TJP3: variants seen among roughly 807,000 people sequenced by gnomAD.
TJP3 encodes the protein tight junction protein 3, also known as tight junction protein ZO-3.
Under a neutral mutation model 104.2 loss-of-function variants are expected in TJP3, and 85 were observed. That is an observed-to-expected ratio of 0.82 (90% CI 0.68 to 0.98). TJP3 has a LOEUF of 0.98. Ranked by LOEUF, TJP3 falls within the 50% of genes least tolerant of loss-of-function variation. The pLI, the probability that TJP3 is intolerant of heterozygous loss-of-function variation, is 0.00. For missense variants in TJP3, 1,367 were observed against 1,322.8 expected (o/e 1.03, Z -0.52); for synonymous variants, 550 against 550.6 (o/e 1.00, Z 0.02).
chr19:3,721,154 C>T (rs1412372315), intron 1 of TJP3, among the ~76,000 whole-genome samples: 1 of 152,040 alleles, frequency 6.6e-6, no homozygotes, highest in East Asian at 1.9e-4. Context: ...CTCGCCTCGG[C>T]CTCCCAAAAT....
Position 3,739,135 on chromosome 19 carries a change from G to T in TJP3, c.1631+1G>T. 1 of 1,534,854 alleles carries T rather than the reference G, an allele frequency of 6.5e-7. No homozygotes were observed. The highest frequency in any genetic ancestry group is 8.8e-7 in the Non-Finnish European group (1 of 1,139,586). The stretch of plus-strand genomic sequence containing the variant: ...GGGGCATCATTCCCAACCAGAGCAG[G>T]TGGGGACTGTGTGCTCCTGCAGTGG... On this transcript the variant is annotated splice_donor_variant, in intron 13 of 20. Transcript: ENST00000541714. LOFTEE classifies it high-confidence loss of function.
At chr19:3,738,093 T>TTGGCTGTGTCC (rs2036761508) in intron 11 of TJP3, among the ~76,000 whole-genome samples, 3 of 151,602 alleles carry the variant, frequency 2.0e-5, no homozygotes, top group Non-Finnish European at 2.9e-5. Flanking sequence ...GCTGTGTCCA[T>TTGGCTGTGTCC]ATATTGTTGT....
rs1410930983 is a variant in TJP3, at chr19:3,712,974, G to A, written c.-10+4413G>A. ...CAAAAAAAAAAAAAAGAAAAGAAAAGAAAGTCCCCTGTTGAACACCCTGAG... is the reference window on the plus strand; with the variant it reads ...CAAAAAAAAAAAAAAGAAAAGAAAAAAAAGTCCCCTGTTGAACACCCTGAG... On this transcript the variant is annotated intron_variant, in intron 1 of 20. Transcript: ENST00000541714. 6.7e-5 allele frequency among the ~76,000 whole-genome samples: 10 copies of A among 149,858 alleles called. 1 individual carries two copies. The highest frequency in any genetic ancestry group is 1.3e-4 in the Non-Finnish European group (9 of 67,548).
intron 1 of TJP3, among the ~76,000 whole-genome samples, chr19:3,711,418 C>T (rs2036433040): frequency 6.7e-6 from 1 of 148,170 alleles, no homozygotes; most frequent in Non-Finnish European, 1.5e-5. Context: ...AGGCTGGTCT[C>T]GAACTCCTGA....
At position 3,730,900 on chromosome 19, in the gene TJP3, C is replaced by T. The variant is rs546063436; in HGVS notation, c.613+194C>T. Among the ~76,000 whole-genome samples, 20 of 152,252 alleles carry T rather than the reference C, an allele frequency of 1.3e-4. No homozygotes were observed. Among genetic ancestry groups the T allele is most frequent in the South Asian group, 6.2e-4 (3 of 4,822 alleles). On this transcript the variant is annotated intron_variant, in intron 5 of 20. Transcript: ENST00000541714. This position sits in a 1 kb window ranked among gnomAD's most constrained non-coding sequence, Gnocchi z 7.3. ...TTCACCATGTTGGCAAGGATGGTTT[C>T]GAATTCTTGACCTCAGGTGATTCAC...
At position 3,728,592 on chromosome 19, in the gene TJP3, A is replaced by C; in HGVS notation, c.49-12A>C. On this transcript the variant is annotated splice_polypyrimidine_tract_variant and intron_variant, in intron 2 of 20. Transcript: ENST00000541714. ...GAAACAGCAGCTCTTCCTTCCCCTC[A>C]TCCTCTCTCAGGACCCCCGCCGGGG... 1.2e-6 allele frequency: 2 copies of C among 1,610,298 alleles called. No homozygotes were observed. The highest frequency in any genetic ancestry group is 1.7e-6 in the Non-Finnish European group (2 of 1,178,790).
intron 11 of TJP3, among the ~76,000 whole-genome samples, chr19:3,737,194 C>T (rs2036749412): frequency 6.7e-6 from 1 of 149,394 alleles, no homozygotes. Context: ...GAACAACAAT[C>T]TTGTTGTTCA....
intron 1 of TJP3, among the ~76,000 whole-genome samples, chr19:3,719,020 C>T (rs1333246188): frequency 6.6e-6 from 1 of 151,696 alleles, no homozygotes; most frequent in Non-Finnish European, 1.5e-5. Context: ...CCCGTCTCTA[C>T]TAAAAATACA....
rs117498787 is a variant in TJP3, at chr19:3,737,724, C to G, written c.1285-831C>G. Among the ~76,000 whole-genome samples the G allele has an allele frequency of 4.1e-3, 620 of 152,298 alleles. 25 individuals carry two copies. In the East Asian group the frequency reaches 0.076, roughly 19 times the overall value. On this transcript the variant is annotated intron_variant, in intron 11 of 20. Coordinates refer to ENST00000541714, the MANE Select transcript of TJP3 (RefSeq NM_001267560.2). ...CCCCACTTTCCATGTCATAAGCCCA[C>G]TGGCTGGGTGAAAACTTGATGCCAA...
chr19:3,733,975 C>T, intron 7 of TJP3, 63 bp downstream of exon 7: 1 of 1,570,230 alleles, frequency 6.4e-7, no homozygotes, highest in Non-Finnish European at 8.6e-7. Flanking sequence ...GGTGGGAAGC[C>T]CCAGGCAGGG....
At chr19:3,728,741 C>CG (rs775563421) in intron 3 of TJP3, 28 bp downstream of exon 3, 10 of 1,607,998 alleles carry the variant, frequency 6.2e-6, no homozygotes, top group South Asian at 4.4e-5. Flanking sequence ...TGGGTTCTGG[C>CG]GGGGGAGGGC....
At chr19:3,720,024 A>C (rs1341231948) in intron 1 of TJP3, among the ~76,000 whole-genome samples, 1 of 152,180 alleles carries the variant, frequency 6.6e-6, no homozygotes, top group Non-Finnish European at 1.5e-5. Flanking sequence ...GAATTACAGG[A>C]GTGAGCCATT....
At chr19:3,735,337 T>C (rs758046315) in intron 8 of TJP3, among the ~76,000 whole-genome samples, 36 of 151,992 alleles carry the variant, frequency 2.4e-4, no homozygotes, top group Non-Finnish European at 4.6e-4. Flanking sequence ...GTAGCTGGGA[T>C]TACAGGCGCC....
intron 1 of TJP3, among the ~76,000 whole-genome samples, chr19:3,713,336 C>T (rs918568547): frequency 2.0e-5 from 3 of 152,224 alleles, no homozygotes; most frequent in East Asian, 1.9e-4. Flanking sequence ...AAACCCATGA[C>T]GCCAGTCTAG....
intron 6 of TJP3, among the ~76,000 whole-genome samples, 188 bp from the exon 7 acceptor site, chr19:3,733,565 G>A (rs556659798): frequency 2.1e-4 from 32 of 152,058 alleles, no homozygotes; most frequent in African/African-American, 7.2e-4. Flanking sequence ...TCTAGAATTC[G>A]GTGCTCAGTT....
Position 3,747,782 on chromosome 19 carries a change from C to G in TJP3, c.2323-12C>G, listed in dbSNP as rs763076638. ...GCCAGGGCCAGCCGCAGCATCCACA[C>G]CCACCCCACAGCTGGATGGCTCCTT... On this transcript the variant is annotated splice_polypyrimidine_tract_variant and intron_variant, in intron 18 of 20. Coordinates refer to ENST00000541714, the MANE Select transcript of TJP3 (RefSeq NM_001267560.2). 4.1e-5 allele frequency: 64 copies of G among 1,566,012 alleles called. No homozygotes were observed. The highest frequency in any genetic ancestry group is 4.1e-5 in the Non-Finnish European group (48 of 1,158,916).
In TJP3 at chr19:3,716,265, G is replaced by A. The variant is rs2036476298; in HGVS notation, c.-10+7704G>A. Among the ~76,000 whole-genome samples the A allele has an allele frequency of 4.0e-5, 6 of 148,308 alleles. No individual in the cohort carries two copies. The South Asian group carries it at 1.4e-3, about 34-fold the overall frequency. On this transcript the variant is annotated intron_variant, in intron 1 of 20. Transcript: ENST00000541714. ...TTTCTGTATTTTGAGTAGAGACGGGGTTTCACCCTGTTGGCCAGGCTGCTC... is the reference window on the plus strand; with the variant it reads ...TTTCTGTATTTTGAGTAGAGACGGGATTTCACCCTGTTGGCCAGGCTGCTC...
rs1038138970 is a variant in TJP3, at chr19:3,746,254, C to T, written c.2010+173C>T. On this transcript the variant is annotated intron_variant, in intron 16 of 20. Coordinates refer to ENST00000541714, the MANE Select transcript of TJP3 (RefSeq NM_001267560.2). This position sits in a 1 kb window ranked among gnomAD's most constrained non-coding sequence, Gnocchi z 4.1. ...AGGCCCGAGACAGACAAGGGCTTCT[C>T]GGAGTCAAACAGCAGCCAGCCCTGG... Among the ~76,000 whole-genome samples the T allele has an allele frequency of 3.3e-5, 5 of 152,048 alleles. No individual in the cohort carries two copies. Among genetic ancestry groups the T allele is most frequent in the Admixed American group, 1.3e-4 (2 of 15,252 alleles).
Position 3,733,801 on chromosome 19 carries a change from CTGAT to C in TJP3, c.770_773del (p.Ile257ArgfsTer7). 1 of 1,614,208 alleles carries C rather than the reference CTGAT, an allele frequency of 6.2e-7. No homozygotes were observed. ...CCTGTCACTGAACGACACCCGGCGACTGATTGAGAAGTCAGAAGGGAAGCTAAGC... is the reference window on the plus strand; with the variant it reads ...CCTGTCACTGAACGACACCCGGCGACTGAGAAGTCAGAAGGGAAGCTAAGC... On this transcript the variant is annotated frameshift_variant, in exon 7 of 21. Transcript: ENST00000541714. LOFTEE classifies it high-confidence loss of function.
Sources: gnomAD v4.1 joint callset for allele counts (sites outside exome capture counted in the v4.1 genomes callset) on GRCh38, gnomAD v4.1.1 for gene constraint, Gnocchi (gnomAD v3.1) non-coding constraint, MANE v1.5 for transcripts, NCBI Gene and HGNC (gene_info 2026-07-23, HGNC 2026-07-21) for gene names.